PITPNM3: variants seen among roughly 807,000 people sequenced by gnomAD.
The protein encoded by PITPNM3 is PITPNM family member 3, also known as membrane-associated phosphatidylinositol transfer protein 3.
Under a neutral mutation model 102.0 loss-of-function variants are expected in PITPNM3, and 26 were observed. The ratio of observed to expected loss-of-function variants is 0.25; its 90% CI spans 0.19 to 0.35. The LOEUF is 0.35. Among genes scored for constraint, PITPNM3 ranks in the 10% least tolerant of loss-of-function variants. PITPNM3 has a pLI of 1.00. For synonymous variants in PITPNM3, 578 were observed against 558.6 expected (o/e 1.03, Z -0.49); for missense variants, 1,083 against 1,346.1 (o/e 0.80, Z 3.06).
intron 17 of PITPNM3, among the ~76,000 whole-genome samples, chr17:6,461,895 C>T (rs1438219400): frequency 6.6e-6 from 1 of 152,086 alleles, no homozygotes; most frequent in Non-Finnish European, 1.5e-5. Flanking sequence ...AAGCCTTTCG[C>T]TTTCACCAGG....
In PITPNM3 at chr17:6,470,284, G is replaced by A. The variant is rs747434312; in HGVS notation, c.1749C>T (p.Asp583=). 5.2e-5 allele frequency: 84 copies of A among 1,611,958 alleles called. No individual in the cohort carries two copies. The highest frequency in any genetic ancestry group is 9.3e-5 in the African/African-American group (7 of 74,924). ...CCTGTCTCAGGATGAAGGCCACCACGTCTGTGGACTCCCAGTAACTGGCGT... is the reference window on the plus strand; with the variant it reads ...CCTGTCTCAGGATGAAGGCCACCACATCTGTGGACTCCCAGTAACTGGCGT... The part of the protein sequence containing the change: ...LFHASYWEST[D]VVAFILRQVM... Residue 583 remains aspartate, a synonymous_variant, in exon 13 of 20, where the codon GAC becomes GAT. Transcript: ENST00000262483. The surrounding 1 kb of genome is among the most constrained non-coding windows in gnomAD (Gnocchi z 4.8).
intron 6 of PITPNM3, 89 bp downstream of exon 6, chr17:6,483,428 T>A: frequency 1.5e-6 from 2 of 1,295,776 alleles, no homozygotes; most frequent in Non-Finnish European, 2.2e-6. Context: ...GGTACCCACC[T>A]GCCCACGGGG....
chr17:6,513,239 C>A (rs1907972551), intron 3 of PITPNM3, among the ~76,000 whole-genome samples: 1 of 151,990 alleles, frequency 6.6e-6, no homozygotes, highest in African/African-American at 2.4e-5. Context: ...CCCCTAAGAT[C>A]AGGAATAAAA....
Position 6,455,371 on chromosome 17 carries a change from C to T in PITPNM3, c.2892G>A (p.Ala964=). 1 of 1,586,674 alleles carries T rather than the reference C, an allele frequency of 6.3e-7. No homozygotes were observed. Among genetic ancestry groups the T allele is most frequent in the Non-Finnish European group, 8.6e-7 (1 of 1,168,122 alleles). The part of the protein sequence containing the change: ...HERPLPALSW[A]RGPPKFESVP The stretch of plus-strand genomic sequence containing the variant: ...CCGACTCGAACTTGGGGGGCCCACG[C>T]GCCCAGCTGAGCGCCGGCAGCGGCC... Residue 964 remains alanine, a synonymous_variant, in exon 20 of 20, where the codon GCG becomes GCA. Coordinates refer to ENST00000262483, the MANE Select transcript of PITPNM3 (RefSeq NM_031220.4).
In PITPNM3 at chr17:6,468,137, C is replaced by T. The variant is rs1351917565; in HGVS notation, c.1890+88G>A. Reference sequence around the variant, plus strand: ...CTCTGAGGACAAATTGAAGCGCTTACCTCCCATGTGGATGCCCCAGCCCCC... The same window carrying T: ...CTCTGAGGACAAATTGAAGCGCTTATCTCCCATGTGGATGCCCCAGCCCCC... On this transcript the variant is annotated intron_variant, in intron 14 of 19. Transcript: ENST00000262483. This position sits in a 1 kb window ranked among gnomAD's most constrained non-coding sequence, Gnocchi z 5.2. 7.6e-5 allele frequency: 97 copies of T among 1,269,560 alleles called. No homozygotes were observed. The East Asian group carries it at 1.9e-3, about 25-fold the overall frequency. 78.6% of individuals were successfully genotyped at this position (1,269,560 alleles called of 1,614,324 possible).
intron 1 of PITPNM3, among the ~76,000 whole-genome samples, chr17:6,548,175 C>T (rs1411979890): frequency 6.6e-6 from 1 of 152,202 alleles, no homozygotes; most frequent in Non-Finnish European, 1.5e-5. Flanking sequence ...TGACCCCCTG[C>T]AGGTGATCCG....
At chr17:6,467,717 A>AGT (rs892356435) in intron 14 of PITPNM3, among the ~76,000 whole-genome samples, 10 of 152,322 alleles carry the variant, frequency 6.6e-5, no homozygotes, top group African/African-American at 2.4e-4. Flanking sequence ...TCGTTTGTTG[A>AGT]GTGAATAAAT....
chr17:6,544,871 A>G (rs1239598597), intron 1 of PITPNM3, among the ~76,000 whole-genome samples: 1 of 151,828 alleles, frequency 6.6e-6, no homozygotes, highest in African/African-American at 2.4e-5. Context: ...ACACTCACAC[A>G]CACACACACG....
At chr17:6,486,843 C>T (rs139033576) in intron 4 of PITPNM3, among the ~76,000 whole-genome samples, 2 of 152,302 alleles carry the variant, frequency 1.3e-5, no homozygotes, top group African/African-American at 4.8e-5. Flanking sequence ...CATGATTCAT[C>T]CTCTCTAGTC....
chr17:6,541,257 G>A (rs1311138800), intron 1 of PITPNM3, among the ~76,000 whole-genome samples: 1 of 149,454 alleles, frequency 6.7e-6, no homozygotes, highest in African/African-American at 2.5e-5. Flanking sequence ...GCAGAGGCCT[G>A]AATAATAAGA....
chr17:6,484,076 G>T, intron 5 of PITPNM3, 140 bp downstream of exon 5: 1 of 953,362 alleles, frequency 1.0e-6, no homozygotes, highest in Non-Finnish European at 1.7e-6. Flanking sequence ...AAAGCCCAGA[G>T]AAGGACACAG....
intron 3 of PITPNM3, among the ~76,000 whole-genome samples, chr17:6,522,300 AC>A (rs1908580159): frequency 6.6e-6 from 1 of 152,124 alleles, no homozygotes; most frequent in Admixed American, 6.5e-5. Context: ...ACACACACAC[AC>A]ACACACACAC....
chr17:6,549,136 C>T (rs1030841193), intron 1 of PITPNM3, among the ~76,000 whole-genome samples: 6 of 152,062 alleles, frequency 3.9e-5, no homozygotes, highest in African/African-American at 1.2e-4. Context: ...CTCCAGGACA[C>T]CTAGAGAGAG....
chr17:6,507,583 A>T (rs1261604466), intron 3 of PITPNM3, among the ~76,000 whole-genome samples: 1 of 88,170 alleles, frequency 1.1e-5, no homozygotes, highest in African/African-American at 3.4e-5. Context: ...GACTCCATTT[A>T]AAAAAAAAAA....
At chr17:6,532,052 G>C (rs1233860883) in intron 2 of PITPNM3, among the ~76,000 whole-genome samples, 1 of 151,942 alleles carries the variant, frequency 6.6e-6, no homozygotes, top group Non-Finnish European at 1.5e-5. Flanking sequence ...GTTGCAGTGA[G>C]CCGAGACTGT....
At chr17:6,541,254 C>T (rs1215791261) in intron 1 of PITPNM3, among the ~76,000 whole-genome samples, 1 of 149,558 alleles carries the variant, frequency 6.7e-6, no homozygotes, top group East Asian at 2.0e-4. Flanking sequence ...CAAGCAGAGG[C>T]CTGAATAATA....
intron 3 of PITPNM3, among the ~76,000 whole-genome samples, chr17:6,523,469 G>A (rs533031711): frequency 5.3e-5 from 8 of 152,152 alleles, no homozygotes; most frequent in East Asian, 3.9e-4. Flanking sequence ...GTGCTTCCTC[G>A]TCCCCTGCCC....
chr17:6,539,744 A>G (rs1909634208), intron 1 of PITPNM3, among the ~76,000 whole-genome samples: 1 of 152,210 alleles, frequency 6.6e-6, no homozygotes, highest in Non-Finnish European at 1.5e-5. Context: ...AAAATCTATC[A>G]TATCTACTAC....
Position 6,457,756 on chromosome 17 carries a change from G to A in PITPNM3, c.2491-34C>T. On this transcript the variant is annotated intron_variant, in intron 18 of 19. Transcript: ENST00000262483. The surrounding 1 kb of genome is among the most constrained non-coding windows in gnomAD (Gnocchi z 4.7). ...CAGGGCAGGCATAGGGGGAGAGTGAGGCCAGCCCACCCCCTGGAAAGCCTT... is the reference window on the plus strand; with the variant it reads ...CAGGGCAGGCATAGGGGGAGAGTGAAGCCAGCCCACCCCCTGGAAAGCCTT... 2 of 1,559,490 alleles carry A rather than the reference G, an allele frequency of 1.3e-6. No individual in the cohort carries two copies. Among genetic ancestry groups the A allele is most frequent in the Non-Finnish European group, 1.7e-6 (2 of 1,151,672 alleles).
Sources: allele counts gnomAD v4.1 joint callset (sites outside exome capture counted in the v4.1 genomes callset), GRCh38; gene constraint gnomAD v4.1.1; non-coding constraint Gnocchi (gnomAD v3.1); transcripts MANE v1.5; gene names NCBI Gene and HGNC (gene_info 2026-07-23, HGNC 2026-07-21).